Variants in SMAD2 observed in about 807,000 individuals in gnomAD.
SMAD2 encodes MAD homolog 2.
Under a neutral mutation model 64.4 loss-of-function variants are expected in SMAD2, and 8 were observed. The ratio of observed to expected loss-of-function variants is 0.12; its 90% CI spans 0.07 to 0.22. The LOEUF (loss-of-function observed/expected upper bound fraction) is 0.22, where lower values mean the gene tolerates loss of function less well. Ranked by LOEUF, SMAD2 falls within the 10% of genes least tolerant of loss-of-function variation. The probability of loss-of-function intolerance (pLI) is 1.00; values close to 1 mark genes in which losing one functional copy is unlikely to be tolerated. For missense variants in SMAD2, 289 were observed against 561.2 expected, an observed-to-expected ratio of 0.51 and a Z score of 4.90; for synonymous variants, 203 against 195.8, an observed-to-expected ratio of 1.04 and a Z score of -0.31.
chr18:47,889,993 A>T (rs147686437), intron 2 of SMAD2, among the ~76,000 whole-genome samples: 1 of 152,322 alleles, frequency 6.6e-6, no homozygotes, highest in African/African-American at 2.4e-5. Flanking sequence ...TTATAAAGGG[A>T]CAAAGGTCCT....
chr18:47,817,651 T>C lies in SMAD2; in HGVS notation c.*24176A>G, dbSNP rs1221603418. ...CTTTTCTGGTAAATTTACTTTGGGT[T>C]CTTCTGTGTTTATATTATTTTTTAA... is the stretch of plus-strand genomic sequence containing the variant. On this transcript the variant is annotated 3_prime_UTR_variant, in exon 11 of 11. Coordinates refer to ENST00000262160, the MANE Select transcript of SMAD2 (RefSeq NM_005901.6). 1.3e-5 allele frequency: 2 copies of C among 152,242 alleles called. No individual in the cohort carries two copies. Among genetic ancestry groups the C allele is most frequent in the Non-Finnish European group, 2.9e-5 (2 of 68,068 alleles). The allele number at this position is 152,242 out of a possible 1,614,324, so 9.4% of individuals were successfully genotyped here.
chr18:47,867,148 A>G (rs1158247490), intron 5 of SMAD2: 2 of 152,074 alleles, frequency 1.3e-5, no homozygotes, highest in African/African-American at 4.8e-5. Flanking sequence ...TAGTGTTATC[A>G]TACTACATCC....
intron 1 of SMAD2, among the ~76,000 whole-genome samples, chr18:47,913,959 A>C (rs756641827): frequency 2.5e-4 from 38 of 152,206 alleles, no homozygotes; most frequent in Non-Finnish European, 4.3e-4. Flanking sequence ...CAGCTTACCA[A>C]ATGATACCTT....
chr18:47,907,636 C>T (rs1032413986), intron 1 of SMAD2, among the ~76,000 whole-genome samples: 2 of 152,170 alleles, frequency 1.3e-5, no homozygotes, highest in African/African-American at 4.8e-5. Context: ...GAGGTAATCA[C>T]ACATGAGTAC....
At chr18:47,859,542 A>G (rs989236891) in intron 6 of SMAD2, among the ~76,000 whole-genome samples, 2 of 152,194 alleles carry the variant, frequency 1.3e-5, no homozygotes, top group Non-Finnish European at 2.9e-5. Context: ...ACTCCTAAGA[A>G]AAACCCAAAC....
At chr18:47,907,875 C>G (rs1427628675) in intron 1 of SMAD2, among the ~76,000 whole-genome samples, 1 of 152,206 alleles carries the variant, frequency 6.6e-6, no homozygotes, top group Non-Finnish European at 1.5e-5. Context: ...GCAGAGGCTG[C>G]AGTGAGCCGA....
chr18:47,856,909 G>C (rs1312345036), intron 6 of SMAD2, among the ~76,000 whole-genome samples: 2 of 142,120 alleles, frequency 1.4e-5, no homozygotes, highest in Non-Finnish European at 3.0e-5. Context: ...CCAGGCTGGA[G>C]TGCAGTGGCG....
In SMAD2 at chr18:47,869,382, T is replaced by C. The variant is rs746965273; in HGVS notation, c.381A>G (p.Ile127Met). Residue 127 changes from isoleucine (I) to methionine (M), a missense_variant, in exon 4 of 11, where the codon ATA (isoleucine) becomes ATG (methionine). Transcript: ENST00000262160. ...VSHRKGLPHV[I>M]YCRLWRWPDL... is the part of the protein sequence containing the mutation. ...CAGGCCAGCGCCATAATCGGCAATA[T>C]ATAACATGTGGCAATCCTTTTCGAT... is the stretch of plus-strand genomic sequence containing the variant. 2 of 1,612,532 alleles carry C rather than the reference T, an allele frequency of 1.2e-6. No homozygotes were observed. Among genetic ancestry groups the C allele is most frequent in the Non-Finnish European group, 1.7e-6 (2 of 1,179,690 alleles).
At chr18:47,858,053 T>C (rs557737483) in intron 6 of SMAD2, among the ~76,000 whole-genome samples, 2 of 152,106 alleles carry the variant, frequency 1.3e-5, no homozygotes, top group East Asian at 1.9e-4. Flanking sequence ...GAGAAAAGAG[T>C]TGGTCTTTCC....
At position 47,823,500 on chromosome 18, in the gene SMAD2, A is replaced by T. The variant is rs1022325356; in HGVS notation, c.*18327T>A. Reference sequence around the variant, plus strand: ...TAATTTCCTTCAATATTTGGCTATGACTCTCTAAGAAAAAAAACTACTCCC... The same window carrying T: ...TAATTTCCTTCAATATTTGGCTATGTCTCTCTAAGAAAAAAAACTACTCCC... On this transcript the variant is annotated 3_prime_UTR_variant, in exon 11 of 11. Coordinates refer to ENST00000262160, the MANE Select transcript of SMAD2 (RefSeq NM_005901.6). 1 of 152,012 alleles carries T rather than the reference A, an allele frequency of 6.6e-6. No individual in the cohort carries two copies. The highest frequency in any genetic ancestry group is 1.5e-5 in the Non-Finnish European group (1 of 67,998). The allele number at this position is 152,012 out of a possible 1,614,324, so 9.4% of individuals were successfully genotyped here. A position where few individuals can be genotyped will look rare whatever the true frequency, so the allele number is the denominator to read the frequency against.
rs192240283 is a variant in SMAD2 at position 47,845,039 on chromosome 18, T to C, written c.1280+301A>G. 4.5e-3 allele frequency: 2,551 copies of C among 571,156 alleles called. 37 individuals are homozygous for C. Among genetic ancestry groups the C allele is most frequent in the Middle Eastern group, 0.025 (54 of 2,158 alleles). 35.4% of individuals were successfully genotyped at this position (571,156 alleles called of 1,614,324 possible). On this transcript the variant is annotated intron_variant, in intron 10 of 10. Transcript: ENST00000262160. ...GCCATCAAGTTTTCCTTGAGCACCG[T>C]GTGCAAACATCTCTCCTTCCATAAA...
chr18:47,896,407 G>C, intron 2 of SMAD2, 114 bp downstream of exon 2: 2 of 1,056,226 alleles, frequency 1.9e-6, no homozygotes, highest in Non-Finnish European at 2.9e-6. Context: ...GTTAAAAACA[G>C]TCATATTTCA....
At position 47,824,852 on chromosome 18, in the gene SMAD2, AT is replaced by A. The variant is rs1032282474; in HGVS notation, c.*16974del. 1 of 152,234 alleles carries A rather than the reference AT, an allele frequency of 6.6e-6. No individual in the cohort carries two copies. 9.4% of individuals were successfully genotyped at this position (152,234 alleles called of 1,614,324 possible). On this transcript the variant is annotated 3_prime_UTR_variant, in exon 11 of 11. Coordinates refer to ENST00000262160, the MANE Select transcript of SMAD2 (RefSeq NM_005901.6). ...TCATGGCAAAAAACTTTGTTTTCAT[AT>A]GCCCATTATGGCTTGCTGACTGGCT...
intron 1 of SMAD2, among the ~76,000 whole-genome samples, chr18:47,917,279 T>C (rs2034375307): frequency 6.6e-6 from 1 of 152,252 alleles, no homozygotes; most frequent in African/African-American, 2.4e-5. Flanking sequence ...ATTTGATTTA[T>C]ACCTGTAATT....
intron 8 of SMAD2, among the ~76,000 whole-genome samples, chr18:47,848,204 G>A (rs1262220633): frequency 6.6e-6 from 1 of 152,098 alleles, no homozygotes; most frequent in Non-Finnish European, 1.5e-5. Flanking sequence ...GACTGGTAGA[G>A]ACTCAGCAAA....
chr18:47,928,010 GA>G (rs2034836879), intron 1 of SMAD2, among the ~76,000 whole-genome samples: 1 of 152,126 alleles, frequency 6.6e-6, no homozygotes, highest in Non-Finnish European at 1.5e-5. Context: ...ATACTTAGGG[GA>G]AAACATCTTA....
chr18:47,869,468 G>T, intron 3 of SMAD2, 32 bp from the exon 4 acceptor site: 4 of 1,401,164 alleles, frequency 2.9e-6, no homozygotes, highest in Non-Finnish European at 3.8e-6. Context: ...AGAAAGGAGG[G>T]AACTTTAAAA....
At position 47,817,119 on chromosome 18, in the gene SMAD2, A is replaced by C. The variant is rs1226232834; in HGVS notation, c.*24708T>G. 1 of 152,140 alleles carries C rather than the reference A, an allele frequency of 6.6e-6. No homozygotes were observed. The highest frequency in any genetic ancestry group is 2.4e-5 in the African/African-American group (1 of 41,436). The allele number at this position is 152,140 out of a possible 1,614,324, so 9.4% of individuals were successfully genotyped here. The stretch of plus-strand genomic sequence containing the variant: ...TCCCAAATAGAGTTTTCTTTTAGAG[A>C]GCCTCTCTCTGTGTTGACATAAATG... On this transcript the variant is annotated 3_prime_UTR_variant, in exon 11 of 11. Transcript: ENST00000262160.
chr18:47,887,328 A>G (rs958526041), intron 2 of SMAD2, among the ~76,000 whole-genome samples: 4 of 152,182 alleles, frequency 2.6e-5, no homozygotes, highest in African/African-American at 9.7e-5. Context: ...CTCTCCAGCT[A>G]TTATTTTTAA....
Sources: gnomAD v4.1 joint callset for allele counts (sites outside exome capture counted in the v4.1 genomes callset) on GRCh38, gnomAD v4.1.1 for gene constraint, MANE v1.5 for transcripts, NCBI Gene and HGNC (gene_info 2026-07-23, HGNC 2026-07-21) for gene names.